ZKSCAN8: variants seen among roughly 807,000 people sequenced by gnomAD.
The protein encoded by ZKSCAN8 is zinc finger with KRAB and SCAN domains 8.
In ZKSCAN8, 27 loss-of-function variants were observed where a neutral mutation model predicts 57.2. That is an observed-to-expected ratio of 0.47 (90% CI 0.35 to 0.65). ZKSCAN8 has a LOEUF of 0.65. Ranked by LOEUF, ZKSCAN8 falls within the 30% of genes least tolerant of loss-of-function variation. The pLI, the probability that ZKSCAN8 is intolerant of heterozygous loss-of-function variation, is 0.01. For synonymous variants in ZKSCAN8, 214 were observed against 248.7 expected (o/e 0.86, Z 1.31); for missense variants, 597 against 696.3 (o/e 0.86, Z 1.60).
Position 28,156,509 on chromosome 6 carries a change from G to A in ZKSCAN8, c.*2492G>A. 3.5e-6 allele frequency: 1 copy of A among 287,476 alleles called. No homozygotes were observed. The highest frequency in any genetic ancestry group is 5.7e-5 in the East Asian group (1 of 17,540). The allele number at this position is 287,476 out of a possible 1,614,324, so 17.8% of individuals were successfully genotyped here. ...TGAAAGAATTATCAAAGCTGATACA[G>A]CACATATACAGAATTAGCCAAATGG... On this transcript the variant is annotated 3_prime_UTR_variant, in exon 6 of 6. Transcript: ENST00000330236.
chr6:28,142,134 T>C (rs922092451), intron 1 of ZKSCAN8, 105 bp downstream of exon 1: 1 of 152,186 alleles, frequency 6.6e-6, no homozygotes, highest in Admixed American at 6.5e-5. Context: ...GCCTGTGCGG[T>C]GTTCGGCGCC....
At chr6:28,142,260 TGTG>T (rs1211285102) in intron 1 of ZKSCAN8, 1 of 152,194 alleles carries the variant, frequency 6.6e-6, no homozygotes, top group Non-Finnish European at 1.5e-5. Flanking sequence ...ATAATCGTGT[TGTG>T]GTATGTTTTT....
chr6:28,152,411 C>T, intron 5 of ZKSCAN8, 27 bp downstream of exon 5: 1 of 1,575,624 alleles, frequency 6.3e-7, no homozygotes, highest in Non-Finnish European at 8.6e-7. Context: ...TTATTATTGT[C>T]ATTTTAGATT....
chr6:28,151,335 C>T (rs1271102507), intron 3 of ZKSCAN8, among the ~76,000 whole-genome samples: 1 of 152,054 alleles, frequency 6.6e-6, no homozygotes, highest in Non-Finnish European at 1.5e-5. Context: ...AGCATTAAAA[C>T]ACTTAATACT....
chr6:28,151,494 A>G (rs1765589250), intron 3 of ZKSCAN8, among the ~76,000 whole-genome samples: 1 of 152,228 alleles, frequency 6.6e-6, no homozygotes, highest in Non-Finnish European at 1.5e-5. Flanking sequence ...GTTGATTCTG[A>G]TACTTGGTTT....
Position 28,155,915 on chromosome 6 carries a change from C to T in ZKSCAN8, c.*1898C>T. The T allele has an allele frequency of 2.6e-6, 1 of 380,312 alleles. No individual in the cohort carries two copies. Among genetic ancestry groups the T allele is most frequent in the Non-Finnish European group, 4.7e-6 (1 of 214,752 alleles). The allele number at this position is 380,312 out of a possible 1,614,324, so 23.6% of individuals were successfully genotyped here. On this transcript the variant is annotated 3_prime_UTR_variant, in exon 6 of 6. Coordinates refer to ENST00000330236, the MANE Select transcript of ZKSCAN8 (RefSeq NM_006298.4). The stretch of plus-strand genomic sequence containing the variant: ...GGTTTCCAACAGTCCTTTCGATTAT[C>T]CTTTATTTTCTTATCCTCCCTTCTC...
In ZKSCAN8 at chr6:28,154,529, T is replaced by A. The variant is rs990182351; in HGVS notation, c.*512T>A. On this transcript the variant is annotated 3_prime_UTR_variant, in exon 6 of 6. Coordinates refer to ENST00000330236, the MANE Select transcript of ZKSCAN8 (RefSeq NM_006298.4). The stretch of plus-strand genomic sequence containing the variant: ...CTTTCTAGGAAAATTTTACAGACAC[T>A]TAAAGTATTTATGCTTAAGTGTGCA... The A allele has an allele frequency of 1.3e-5, 2 of 153,130 alleles. No homozygotes were observed. Among genetic ancestry groups the A allele is most frequent in the African/African-American group, 4.8e-5 (2 of 41,466 alleles). The allele number at this position is 153,130 out of a possible 1,614,324, so 9.5% of individuals were successfully genotyped here.
At chr6:28,145,060 CAAAA>C (rs1035977879) in intron 1 of ZKSCAN8, among the ~76,000 whole-genome samples, 1 of 142,234 alleles carries the variant, frequency 7.0e-6, no homozygotes, top group African/African-American at 2.6e-5. Flanking sequence ...CCATCTCAAA[CAAAA>C]AAAAAAAGAG....
rs1765782066 is a variant in ZKSCAN8 at position 28,156,324 on chromosome 6, C to T, written c.*2307C>T. On this transcript the variant is annotated 3_prime_UTR_variant, in exon 6 of 6. Transcript: ENST00000330236. ...CCAGAGCAACACATTGAAATGTATA[C>T]AGATGTACTAGCTAAAGTCTCTTTA... The T allele has an allele frequency of 2.5e-6, 1 of 397,240 alleles. No homozygotes were observed. Among genetic ancestry groups the T allele is most frequent in the Non-Finnish European group, 4.4e-6 (1 of 225,314 alleles). The allele number at this position is 397,240 out of a possible 1,614,324, so 24.6% of individuals were successfully genotyped here.
intron 1 of ZKSCAN8, among the ~76,000 whole-genome samples, chr6:28,145,250 A>G (rs1765352707): frequency 6.6e-6 from 1 of 152,172 alleles, no homozygotes; most frequent in South Asian, 2.1e-4. Context: ...TACAGACATT[A>G]TGAAAGGTCC....
chr6:28,142,241 T>G (rs2113569537), intron 1 of ZKSCAN8: 1 of 152,354 alleles, frequency 6.6e-6, no homozygotes, highest in South Asian at 2.1e-4. Flanking sequence ...TATGAAGCTT[T>G]CTTCATAGAT....
At chr6:28,150,025 A>G (rs1336611621) in intron 3 of ZKSCAN8, among the ~76,000 whole-genome samples, 1 of 136,288 alleles carries the variant, frequency 7.3e-6, no homozygotes, top group African/African-American at 2.9e-5. Context: ...ATTTCCTCAG[A>G]CGAGCATTTC....
At position 28,149,629 on chromosome 6, in the gene ZKSCAN8, G is replaced by A; in HGVS notation, c.559+5G>A. The A allele has an allele frequency of 1.9e-6, 3 of 1,613,484 alleles. No homozygotes were observed. The highest frequency in any genetic ancestry group is 2.2e-5 in the East Asian group (1 of 44,838). On this transcript the variant is annotated splice_donor_5th_base_variant and intron_variant, in intron 3 of 5. Coordinates refer to ENST00000330236, the MANE Select transcript of ZKSCAN8 (RefSeq NM_006298.4). ...CCCAAGAGTCACAAGAGAGAGGTGA[G>A]TAGCCAGATTTCATTGATGATAAGG...
At position 28,149,597 on chromosome 6, in the gene ZKSCAN8, C is replaced by T. The variant is rs372113868; in HGVS notation, c.532C>T (p.Pro178Ser). 42 of 1,613,968 alleles carry T rather than the reference C, an allele frequency of 2.6e-5. No homozygotes were observed. The highest frequency in any genetic ancestry group is 3.1e-5 in the Non-Finnish European group (37 of 1,180,016). The change falls in exon 3 of 6, where the codon CCA (proline) becomes TCA (serine). Residue 178 changes from proline (P) to serine (S), a missense_variant. By Grantham distance (74) the Pro-to-Ser change is moderately conservative (BLOSUM62 -1). Coordinates refer to ENST00000330236, the MANE Select transcript of ZKSCAN8 (RefSeq NM_006298.4). The part of the protein sequence containing the change: ...LQSEATQHKS[P>S]VPQESQERAM... ...ATCTGAGGCAACCCAACATAAATCT[C>T]CAGTGCCCCAAGAGTCACAAGAGAG...
Position 28,154,145 on chromosome 6 carries a change from C to T in ZKSCAN8, c.*128C>T, listed in dbSNP as rs990176175. 27 of 1,373,968 alleles carry T rather than the reference C, an allele frequency of 2.0e-5. No homozygotes were observed. The highest frequency in any genetic ancestry group is 2.6e-5 in the Non-Finnish European group (27 of 1,027,468). 85.1% of individuals were successfully genotyped at this position (1,373,968 alleles called of 1,614,324 possible). A position where few individuals can be genotyped will look rare whatever the true frequency, so the allele number is the denominator to read the frequency against. ...TTAGTGTCAGAATCTATAGTGGTGGCAAAGTTAGGATAGCTCTTTAGTAAT... is the reference window on the plus strand; with the variant it reads ...TTAGTGTCAGAATCTATAGTGGTGGTAAAGTTAGGATAGCTCTTTAGTAAT... On this transcript the variant is annotated 3_prime_UTR_variant, in exon 6 of 6. Transcript: ENST00000330236.
chr6:28,148,539 T>C lies in ZKSCAN8; in HGVS notation c.132T>C (p.Pro44=), dbSNP rs1282739265. Reference sequence around the variant, plus strand: ...AATCTAGTCTGCATGAAAGTAACCCTCTTGGCCAAGAAGTGTTCCGCCTGC... The same window carrying C: ...AATCTAGTCTGCATGAAAGTAACCCCCTTGGCCAAGAAGTGTTCCGCCTGC... ...DQESSLHESN[P]LGQEVFRLRF... is the part of the protein sequence containing the mutation. Residue 44 remains proline, a synonymous_variant, in exon 2 of 6, where the codon CCT becomes CCC. Coordinates refer to ENST00000330236, the MANE Select transcript of ZKSCAN8 (RefSeq NM_006298.4). 2.5e-6 allele frequency: 4 copies of C among 1,614,044 alleles called. No individual in the cohort carries two copies. In the South Asian group the frequency reaches 3.3e-5, roughly 13 times the overall value.
rs761622582 is a variant in ZKSCAN8 at position 28,153,841 on chromosome 6, A to G, written c.1561A>G (p.Lys521Glu). The G allele has an allele frequency of 3.7e-6, 6 of 1,614,074 alleles. No homozygotes were observed. The Admixed American group carries it at 5.0e-5, about 13-fold the overall frequency. ...IHTGERPYKC[K>E]ECGKAFNGNT... ...CACTGGAGAAAGACCCTATAAATGT[A>G]AAGAATGTGGGAAAGCTTTCAATGG... is the stretch of plus-strand genomic sequence containing the variant. Residue 521 changes from lysine (K) to glutamate (E), a missense_variant, in exon 6 of 6, where the codon AAA becomes GAA. Coordinates refer to ENST00000330236, the MANE Select transcript of ZKSCAN8 (RefSeq NM_006298.4).
In ZKSCAN8 at chr6:28,158,084, G is replaced by C. The variant is rs929191409; in HGVS notation, c.*4067G>C. ...TTAGCATTCCAGTGAAATGTTCTTA[G>C]ACTCACCAGTGGACAAATAATAAGG... is the stretch of plus-strand genomic sequence containing the variant. On this transcript the variant is annotated 3_prime_UTR_variant, in exon 6 of 6. Transcript: ENST00000330236. 6.6e-6 allele frequency: 1 copy of C among 151,770 alleles called. No individual in the cohort carries two copies. Among genetic ancestry groups the C allele is most frequent in the Non-Finnish European group, 1.5e-5 (1 of 67,962 alleles). The allele number at this position is 151,770 out of a possible 1,614,324, so 9.4% of individuals were successfully genotyped here.
chr6:28,153,688 A>T lies in ZKSCAN8; in HGVS notation c.1408A>T (p.Thr470Ser), dbSNP rs1456591764. ...CTATGAGTGTGATGAGTGTGGGAAA[A>T]CCTTCAGGCGGAGCTCACATCTTAT... ...KPYECDECGK[T>S]FRRSSHLIGH... Residue 470 changes from threonine (T) to serine (S), a missense_variant, in exon 6 of 6, where the codon ACC (threonine) becomes TCC (serine). Thr to Ser is a moderately conservative substitution (Grantham distance 58). Transcript: ENST00000330236. The T allele has an allele frequency of 1.2e-6, 2 of 1,608,042 alleles. No individual in the cohort carries two copies. Among genetic ancestry groups the T allele is most frequent in the Non-Finnish European group, 1.7e-6 (2 of 1,178,366 alleles).
Sources: allele counts gnomAD v4.1 joint callset (sites outside exome capture counted in the v4.1 genomes callset), GRCh38; gene constraint gnomAD v4.1.1; transcripts MANE v1.5; gene names NCBI Gene and HGNC (gene_info 2026-07-23, HGNC 2026-07-21).